Variants in PLCE1 observed in about 807,000 individuals in gnomAD.
PLCE1 encodes the protein 1-phosphatidylinositol 4,5-bisphosphate phosphodiesterase epsilon-1.
In PLCE1, 119 loss-of-function variants were observed where a neutral mutation model predicts 242.8. The ratio of observed to expected loss-of-function variants is 0.49; its 90% confidence interval spans 0.42 to 0.57. The LOEUF (loss-of-function observed/expected upper bound fraction) is 0.57, where lower values mean the gene tolerates loss of function less well. Among genes scored for constraint, PLCE1 ranks in the 20% least tolerant of loss-of-function variants. The pLI, the probability that PLCE1 is intolerant of heterozygous loss-of-function variation, is 0.00. For missense variants in PLCE1, 2,441 were observed against 2,788.8 expected (o/e 0.88, Z 2.81); for synonymous variants, 945 against 1,017.4 (o/e 0.93, Z 1.35).
chr10:94,191,407 C>A (rs531654128), intron 4 of PLCE1, among the ~76,000 whole-genome samples: 1 of 152,228 alleles, frequency 6.6e-6, no homozygotes, highest in Admixed American at 6.5e-5. Flanking sequence ...TTTGGGAGGC[C>A]AAGGCAGGAG....
chr10:94,089,547 A>G (rs530504135), intron 2 of PLCE1, among the ~76,000 whole-genome samples: 3 of 152,356 alleles, frequency 2.0e-5, no homozygotes, highest in East Asian at 3.9e-4. Context: ...AGTTTCTAAA[A>G]TGTTTTAACC....
At chr10:94,252,251 T>G in intron 8 of PLCE1, 65 bp from the exon 9 acceptor site, 1 of 1,441,830 alleles carries the variant, frequency 6.9e-7, no homozygotes, top group Admixed American at 1.7e-5. Flanking sequence ...CTGGGAGACA[T>G]TAATATATTT....
rs542218873 is a variant in PLCE1 at position 94,286,465 on chromosome 10, C to T, written c.5035+1500C>T. Among the ~76,000 whole-genome samples the T allele has an allele frequency of 5.3e-5, 8 of 152,142 alleles. No homozygotes were observed. In the South Asian group the frequency reaches 1.7e-3, roughly 32 times the overall value. On this transcript the variant is annotated intron_variant, in intron 22 of 32. Coordinates refer to ENST00000371380, the MANE Select transcript of PLCE1 (RefSeq NM_016341.4). ...GGCAAGATATATAGCAAGACCTCATCTCTAAAAAATAATAATTAAATTTTT... is the reference window on the plus strand; with the variant it reads ...GGCAAGATATATAGCAAGACCTCATTTCTAAAAAATAATAATTAAATTTTT...
intron 4 of PLCE1, among the ~76,000 whole-genome samples, chr10:94,226,831 C>CTTTTTTTT (rs1177112312): frequency 9.8e-6 from 1 of 101,818 alleles, no homozygotes; most frequent in Non-Finnish European, 2.0e-5. Context: ...ACCTATAGGT[C>CTTTTTTTT]TTTTTTTTTT....
chr10:94,014,791 T>C (rs540637872), intron 1 of PLCE1, among the ~76,000 whole-genome samples: 8 of 152,234 alleles, frequency 5.3e-5, no homozygotes, highest in Admixed American at 5.2e-4. Flanking sequence ...AGTGTGGTGA[T>C]AGGAGAGGTG....
chr10:94,107,113 A>T (rs921200602), intron 2 of PLCE1: 5 of 152,346 alleles, frequency 3.3e-5, no homozygotes, highest in Non-Finnish European at 7.4e-5. Flanking sequence ...GCGACGCTTT[A>T]TGTGGTGCCA....
At chr10:94,150,086 C>T (rs747341094) in intron 3 of PLCE1, among the ~76,000 whole-genome samples, 1 of 152,158 alleles carries the variant, frequency 6.6e-6, no homozygotes, top group Non-Finnish European at 1.5e-5. Flanking sequence ...CTTTCATGTG[C>T]TTATAAACAA....
intron 1 of PLCE1, among the ~76,000 whole-genome samples, chr10:94,025,900 G>T (rs1233497158): frequency 1.3e-5 from 2 of 152,108 alleles, no homozygotes; most frequent in East Asian, 3.9e-4. Context: ...TTTCTGTAAA[G>T]AGCCAGATGG....
At position 94,092,897 on chromosome 10, in the gene PLCE1, G is replaced by A. The variant is rs184062423; in HGVS notation, c.1207-39277G>A. 1.6e-3 allele frequency among the ~76,000 whole-genome samples: 240 copies of A among 152,288 alleles called. 3 individuals carry two copies. The highest frequency in any genetic ancestry group is 5.0e-3 in the Admixed American group (77 of 15,298). ...CAGATGCTCAGAATACTCCTTGGGC[G>A]ATAGAAAAGGGAGCCAGCAGACACA... On this transcript the variant is annotated intron_variant, in intron 2 of 32. Transcript: ENST00000371380.
intron 4 of PLCE1, among the ~76,000 whole-genome samples, chr10:94,213,242 GT>G (rs757213832): frequency 5.3e-5 from 8 of 152,292 alleles, no homozygotes; most frequent in Non-Finnish European, 8.8e-5. Flanking sequence ...GTACAGCTCT[GT>G]TAGTTTTTAC....
intron 5 of PLCE1, among the ~76,000 whole-genome samples, 171 bp downstream of exon 5, chr10:94,227,622 T>A (rs1440478063): frequency 6.6e-6 from 1 of 152,242 alleles, no homozygotes; most frequent in Non-Finnish European, 1.5e-5. Flanking sequence ...CCCTCAAAGA[T>A]GCTGCAGAAT....
At chr10:94,228,981 A>G (rs1333980586) in intron 5 of PLCE1, among the ~76,000 whole-genome samples, 1 of 152,146 alleles carries the variant, frequency 6.6e-6, no homozygotes, top group Non-Finnish European at 1.5e-5. Context: ...CAGGAGTTTG[A>G]GACCAGCCTG....
intron 24 of PLCE1, among the ~76,000 whole-genome samples, chr10:94,301,388 C>A (rs191324343): frequency 1.3e-5 from 2 of 151,640 alleles, no homozygotes; most frequent in African/African-American, 4.8e-5. Context: ...ATAGATAGAT[C>A]GAATAGATCG....
intron 22 of PLCE1, among the ~76,000 whole-genome samples, chr10:94,291,411 A>C (rs550167882): frequency 6.6e-6 from 1 of 152,312 alleles, no homozygotes; most frequent in East Asian, 1.9e-4. Context: ...CACAATCACA[A>C]GTAAAAACAC....
At chr10:94,143,276 A>G (rs746060277) in intron 3 of PLCE1, among the ~76,000 whole-genome samples, 1 of 152,132 alleles carries the variant, frequency 6.6e-6, no homozygotes, top group Non-Finnish European at 1.5e-5. Flanking sequence ...CTAAGCATTT[A>G]CTCCTGGTAT....
chr10:94,125,816 T>C (rs1187741994), intron 2 of PLCE1, among the ~76,000 whole-genome samples: 3 of 152,148 alleles, frequency 2.0e-5, no homozygotes, highest in East Asian at 1.9e-4. Context: ...AAGTACAAAA[T>C]TGACCCCACT....
chr10:94,167,355 T>C (rs2136282613), intron 3 of PLCE1, among the ~76,000 whole-genome samples: 1 of 152,256 alleles, frequency 6.6e-6, no homozygotes, highest in Middle Eastern at 3.4e-3. Context: ...ACCATAACAA[T>C]TTTATCACCT....
chr10:94,160,152 T>A (rs1455283020), intron 3 of PLCE1, among the ~76,000 whole-genome samples: 6 of 152,172 alleles, frequency 3.9e-5, no homozygotes, highest in Non-Finnish European at 7.3e-5. Context: ...GATGGCTGGG[T>A]CAAATGGTAT....
In PLCE1 at chr10:94,023,423, C is replaced by T. The variant is rs796908791; in HGVS notation, c.-364-7260C>T. ...GTAGATCTGTGTGTGTTTGTGCATG[C>T]CTGCACACACACATAACTCCAGAAT... On this transcript the variant is annotated intron_variant, in intron 1 of 32. Coordinates refer to ENST00000371380, the MANE Select transcript of PLCE1 (RefSeq NM_016341.4). Among the ~76,000 whole-genome samples the T allele has an allele frequency of 1.9e-4, 29 of 151,842 alleles. 1 individual carries two copies. Among genetic ancestry groups the T allele is most frequent in the African/African-American group, 6.8e-4 (28 of 41,396 alleles).
Sources: gnomAD v4.1 joint callset for allele counts (sites outside exome capture counted in the v4.1 genomes callset) on GRCh38, gnomAD v4.1.1 for gene constraint, MANE v1.5 for transcripts, NCBI Gene and HGNC (gene_info 2026-07-23, HGNC 2026-07-21) for gene names.